The following DDX1 variants were observed in gnomAD, a reference collection of about 807,000 sequenced individuals.
DDX1 encodes ATP-dependent RNA helicase DDX1.
A neutral mutation model predicts 108.7 loss-of-function variants in DDX1; 28 were observed. That is an observed-to-expected ratio of 0.26 (90% CI 0.19 to 0.35). The LOEUF (loss-of-function observed/expected upper bound fraction) is 0.35, where lower values mean the gene tolerates loss of function less well. Among genes scored for constraint, DDX1 ranks in the 10% least tolerant of loss-of-function variants. DDX1 has a pLI of 1.00. For synonymous variants in DDX1, 295 were observed against 288.9 expected, an observed-to-expected ratio of 1.02 and a Z score of -0.21; for missense variants, 710 against 884.5, an observed-to-expected ratio of 0.80 and a Z score of 2.50.
chr2:15,599,419 G>A (rs1169065714), intron 5 of DDX1, among the ~76,000 whole-genome samples: 4 of 151,858 alleles, frequency 2.6e-5, no homozygotes, highest in African/African-American at 7.3e-5. Flanking sequence ...CGATTCTCCT[G>A]CCTCAGCCTC....
intron 1 of DDX1, among the ~76,000 whole-genome samples, chr2:15,592,256 C>T (rs904793535): frequency 6.6e-6 from 1 of 152,250 alleles, no homozygotes; most frequent in Admixed American, 6.5e-5. Context: ...CGGCGTTGCT[C>T]TGGCGGCTCC....
chr2:15,609,534 T>C (rs3770463), intron 13 of DDX1, among the ~76,000 whole-genome samples: 36,524 of 152,180 alleles, frequency 0.24, 5,396 homozygotes, highest in African/African-American at 0.42. Context: ...TTTAGAGCTA[T>C]ACTTGCTTTA....
intron 18 of DDX1, among the ~76,000 whole-genome samples, chr2:15,622,177 A>C (rs972150538): frequency 6.6e-6 from 1 of 152,220 alleles, no homozygotes; most frequent in Non-Finnish European, 1.5e-5. Flanking sequence ...GAATATACAT[A>C]ACATAAAACT....
At chr2:15,612,715 A>C (rs192958759) in intron 13 of DDX1, among the ~76,000 whole-genome samples, 18,971 of 151,916 alleles carry the variant, frequency 0.12, 1,390 homozygotes, top group East Asian at 0.37. Flanking sequence ...AGCCTGGGCA[A>C]CATTGAGCAC....
At chr2:15,605,231 T>C (rs973448004) in intron 10 of DDX1, among the ~76,000 whole-genome samples, 5 of 152,040 alleles carry the variant, frequency 3.3e-5, no homozygotes, top group Admixed American at 1.3e-4. Context: ...TGAGATTGCC[T>C]AGGGATTGAG....
intron 6 of DDX1, among the ~76,000 whole-genome samples, chr2:15,602,111 AT>A (rs1156520550): frequency 6.6e-6 from 1 of 152,246 alleles, no homozygotes; most frequent in Non-Finnish European, 1.5e-5. Flanking sequence ...TAATTTAAGT[AT>A]AAAATCAGGA....
chr2:15,608,851 C>G (rs986983726), intron 13 of DDX1, among the ~76,000 whole-genome samples: 2 of 151,878 alleles, frequency 1.3e-5, no homozygotes, highest in African/African-American at 4.8e-5. Flanking sequence ...GCAGGCCTGT[C>G]TTTTTAATAT....
At chr2:15,607,024 A>T in intron 12 of DDX1, 151 bp from the exon 13 acceptor site, 1 of 778,416 alleles carries the variant, frequency 1.3e-6, no homozygotes, top group Non-Finnish European at 2.0e-6. Flanking sequence ...TTGTTTTAGA[A>T]ATCTAAGGTT....
At chr2:15,603,645 T>G (rs540780425) in intron 8 of DDX1, among the ~76,000 whole-genome samples, 169 bp from the exon 9 acceptor site, 1 of 152,368 alleles carries the variant, frequency 6.6e-6, no homozygotes, top group Non-Finnish European at 1.5e-5. Context: ...TCACACACGC[T>G]CTGTGGCCTA....
At chr2:15,615,870 C>T (rs2148745661) in intron 14 of DDX1, among the ~76,000 whole-genome samples, 1 of 152,126 alleles carries the variant, frequency 6.6e-6, no homozygotes, top group African/African-American at 2.4e-5. Context: ...ACATCATATA[C>T]ACACTTTATA....
intron 13 of DDX1, among the ~76,000 whole-genome samples, chr2:15,608,221 A>C (rs536546273): frequency 6.6e-6 from 1 of 151,904 alleles, no homozygotes; most frequent in East Asian, 1.9e-4. Context: ...ACACCATAAA[A>C]CTCATTATTT....
At chr2:15,600,809 C>T (rs185387876) in intron 6 of DDX1, among the ~76,000 whole-genome samples, 6 of 131,862 alleles carry the variant, frequency 4.6e-5, no homozygotes, top group East Asian at 4.4e-4. Flanking sequence ...AGTGCAGTGG[C>T]GCGATCTCAG....
chr2:15,603,679 A>G, intron 8 of DDX1, 135 bp from the exon 9 acceptor site: 1 of 659,764 alleles, frequency 1.5e-6, no homozygotes, highest in South Asian at 2.0e-5. Context: ...TTTTTGCAGG[A>G]TTCAGAAACT....
rs759155261 is a variant in DDX1 at position 15,617,233 on chromosome 2, CT to C, written c.1018-4del. The C allele has an allele frequency of 5.1e-5, 77 of 1,502,754 alleles. No individual in the cohort carries two copies. The highest frequency in any genetic ancestry group is 6.4e-5 in the Non-Finnish European group (71 of 1,105,258). The allele number at this position is 1,502,754 out of a possible 1,614,324, so 93.1% of individuals were successfully genotyped here. ...TAGTTTTCATTAAGTGGTTGGTTTG[CT>C]TTTTTTCAGGTAGATATAGTTGTAG... On this transcript the variant is annotated splice_polypyrimidine_tract_variant and intron_variant, in intron 14 of 25. Coordinates refer to ENST00000233084, the MANE Select transcript of DDX1 (RefSeq NM_004939.3).
intron 18 of DDX1, 130 bp from the exon 19 acceptor site, chr2:15,623,303 TATA>T: frequency 1.4e-6 from 1 of 730,536 alleles, no homozygotes; most frequent in South Asian, 2.0e-5. Flanking sequence ...CTTATCTATA[TATA>T]ATACTTTTAT....
At chr2:15,612,993 C>T (rs989663817) in intron 13 of DDX1, among the ~76,000 whole-genome samples, 7 of 144,288 alleles carry the variant, frequency 4.9e-5, no homozygotes, top group Non-Finnish European at 9.0e-5. Flanking sequence ...AGAGGGAGAC[C>T]GTGGAAAGAG....
intron 14 of DDX1, among the ~76,000 whole-genome samples, chr2:15,614,597 A>G (rs909886309): frequency 1.3e-5 from 2 of 152,144 alleles, no homozygotes; most frequent in Non-Finnish European, 2.9e-5. Context: ...TTGCTGTAGG[A>G]GCGGGTTAGT....
At chr2:15,618,062 C>T (rs1367373378) in intron 15 of DDX1, 119 bp from the exon 16 acceptor site, 1 of 551,796 alleles carries the variant, frequency 1.8e-6, no homozygotes, top group East Asian at 2.7e-5. Flanking sequence ...TATGTATATG[C>T]ATGAATTAGT....
rs1269897374 is a variant in DDX1 at position 15,627,152 on chromosome 2, A to T, written c.1686+7A>T. ...AAACTTGGAAAGATTTAAGGTACTG[A>T]TACATAGTTGATTGTTTCCTTAATA... is the stretch of plus-strand genomic sequence containing the variant. On this transcript the variant is annotated splice_region_variant and intron_variant, in intron 20 of 25. Transcript: ENST00000233084. The T allele has an allele frequency of 6.5e-7, 1 of 1,527,692 alleles. No homozygotes were observed. The highest frequency in any genetic ancestry group is 9.0e-7 in the Non-Finnish European group (1 of 1,106,754). The allele number at this position is 1,527,692 out of a possible 1,614,324, so 94.6% of individuals were successfully genotyped here.
Sources: gnomAD v4.1 joint callset for allele counts (sites outside exome capture counted in the v4.1 genomes callset) on GRCh38, gnomAD v4.1.1 for gene constraint, MANE v1.5 for transcripts, NCBI Gene and HGNC (gene_info 2026-07-23, HGNC 2026-07-21) for gene names.